Variants in GAS2 observed in about 807,000 individuals in gnomAD.
GAS2 encodes the protein growth arrest specific 2.
In GAS2, 20 loss-of-function variants were observed where a neutral mutation model predicts 37.5. That is an observed-to-expected ratio of 0.53 (90% CI 0.37 to 0.77). The LOEUF (loss-of-function observed/expected upper bound fraction) is 0.77. GAS2 is among the 30% of genes least tolerant of loss of function. The pLI is 0.00. For synonymous variants in GAS2, 144 were observed against 132.2 expected, an observed-to-expected ratio of 1.09 and a Z score of -0.61; for missense variants, 336 against 373.4, an observed-to-expected ratio of 0.90 and a Z score of 0.82.
intron 2 of GAS2, among the ~76,000 whole-genome samples, chr11:22,683,657 A>G (rs543395145): frequency 0.022 from 2,764 of 128,224 alleles, 72 homozygotes; most frequent in African/African-American, 0.064. Flanking sequence ...AAAACTTTAA[A>G]ATAATTTCTT....
intron 5 of GAS2, among the ~76,000 whole-genome samples, chr11:22,742,678 T>C (rs1853152785): frequency 6.6e-6 from 1 of 152,082 alleles, no homozygotes; most frequent in Non-Finnish European, 1.5e-5. Context: ...TAAAGAAAAA[T>C]CTCCAGAGAA....
At position 22,812,741 on chromosome 11, in the gene GAS2, C is replaced by A. The variant is rs1306818250; in HGVS notation, c.*725C>A. ...TGTAATTCATACATGAGCTGACATA[C>A]GTTGATACTTTGACGAGTAAATTGT... On this transcript the variant is annotated 3_prime_UTR_variant, in exon 8 of 8. Coordinates refer to ENST00000454584, the MANE Select transcript of GAS2 (RefSeq NM_001143830.3). 6.6e-6 allele frequency: 1 copy of A among 152,450 alleles called. No homozygotes were observed. The highest frequency in any genetic ancestry group is 2.1e-4 in the South Asian group (1 of 4,822). 9.4% of individuals were successfully genotyped at this position (152,450 alleles called of 1,614,324 possible).
At chr11:22,752,686 A>G (rs187760861) in intron 6 of GAS2, among the ~76,000 whole-genome samples, 263 of 152,008 alleles carry the variant, frequency 1.7e-3, no homozygotes, top group African/African-American at 6.0e-3. Context: ...GAGTAAAAGA[A>G]GGGAAAAAAA....
chr11:22,703,400 A>T (rs969392822), intron 3 of GAS2, among the ~76,000 whole-genome samples: 1 of 152,182 alleles, frequency 6.6e-6, no homozygotes, highest in South Asian at 2.1e-4. Context: ...CTCTCACCCT[A>T]TGGAAAATGG....
intron 7 of GAS2, 43 bp downstream of exon 7, chr11:22,755,996 T>G: frequency 7.2e-7 from 1 of 1,385,596 alleles, no homozygotes; most frequent in Non-Finnish European, 1.0e-6. Flanking sequence ...ATGGGAAGAT[T>G]CAGAATTTGA....
intron 1 of GAS2, among the ~76,000 whole-genome samples, chr11:22,654,587 G>C (rs1848835245): frequency 6.6e-6 from 1 of 151,788 alleles, no homozygotes; most frequent in Non-Finnish European, 1.5e-5. Context: ...AGAGACACAG[G>C]GTCTTGCTAT....
chr11:22,647,389 G>A (rs1390936494), intron 1 of GAS2, among the ~76,000 whole-genome samples: 1 of 152,154 alleles, frequency 6.6e-6, no homozygotes, highest in Non-Finnish European at 1.5e-5. Context: ...ACATACGTGT[G>A]CATGTGTCTT....
At chr11:22,700,425 A>G (rs1235656940) in intron 3 of GAS2, among the ~76,000 whole-genome samples, 2 of 152,124 alleles carry the variant, frequency 1.3e-5, no homozygotes, top group Admixed American at 1.3e-4. Flanking sequence ...ATGAGGAGCA[A>G]ATCTGACTTT....
intron 1 of GAS2, among the ~76,000 whole-genome samples, chr11:22,636,349 A>G (rs1238165042): frequency 6.6e-6 from 1 of 152,078 alleles, no homozygotes; most frequent in Non-Finnish European, 1.5e-5. Flanking sequence ...TTCACAAACA[A>G]CCTACCTCAC....
chr11:22,685,170 G>C (rs2133941250), intron 2 of GAS2, among the ~76,000 whole-genome samples: 1 of 152,204 alleles, frequency 6.6e-6, no homozygotes, highest in East Asian at 1.9e-4. Context: ...TGTAGAGAGA[G>C]AGAGAGAGCG....
At chr11:22,753,638 A>G (rs778561294) in intron 6 of GAS2, among the ~76,000 whole-genome samples, 1 of 152,092 alleles carries the variant, frequency 6.6e-6, no homozygotes, top group Non-Finnish European at 1.5e-5. Context: ...TGATGCTGTC[A>G]GTCTGATTTT....
At chr11:22,694,386 G>A (rs533326915) in intron 3 of GAS2, among the ~76,000 whole-genome samples, 1 of 152,104 alleles carries the variant, frequency 6.6e-6, no homozygotes, top group Admixed American at 6.6e-5. Context: ...ACACTAAAAT[G>A]AGGAAGCTCA....
At chr11:22,718,011 T>TA (rs1363566407) in intron 3 of GAS2, among the ~76,000 whole-genome samples, 21 of 152,078 alleles carry the variant, frequency 1.4e-4, no homozygotes, top group African/African-American at 5.1e-4. Context: ...CACTTTTTTT[T>TA]ACTGCTGGTG....
At chr11:22,674,247 C>A (rs775034942) in intron 1 of GAS2, among the ~76,000 whole-genome samples, 1 of 149,250 alleles carries the variant, frequency 6.7e-6, no homozygotes, top group African/African-American at 2.5e-5. Flanking sequence ...TTTTTGGTTT[C>A]TTTGACTGCA....
At chr11:22,779,055 TTTTC>T in intron 7 of GAS2, among the ~76,000 whole-genome samples, 1 of 151,774 alleles carries the variant, frequency 6.6e-6, no homozygotes, top group African/African-American at 2.4e-5. Context: ...GTTTTTTTTT[TTTTC>T]TCTTCAGTGT....
At chr11:22,697,282 T>C (rs868578688) in intron 3 of GAS2, among the ~76,000 whole-genome samples, 24 of 152,110 alleles carry the variant, frequency 1.6e-4, no homozygotes, top group African/African-American at 5.6e-4. Flanking sequence ...CTGAGGGCTC[T>C]GTTCTGTTCC....
At chr11:22,757,222 C>A (rs114832498) in intron 7 of GAS2, among the ~76,000 whole-genome samples, 1 of 152,006 alleles carries the variant, frequency 6.6e-6, no homozygotes, top group African/African-American at 2.4e-5. Context: ...TGTTTATTTG[C>A]ATCTGTGATT....
At chr11:22,661,877 G>T (rs1565070620), upstream of GAS2, among the ~76,000 whole-genome samples, 1 of 151,990 alleles carries the variant, frequency 6.6e-6, no homozygotes, top group East Asian at 1.9e-4. Context: ...AAAACTGTAG[G>T]TCATAAAACA....
Position 22,787,707 on chromosome 11 carries a change from C to T in GAS2, c.724-24091C>T, listed in dbSNP as rs543382044. Among the ~76,000 whole-genome samples, 11 of 152,282 alleles carry T rather than the reference C, an allele frequency of 7.2e-5. 1 individual carries two copies. In the South Asian group the frequency reaches 1.2e-3, roughly 17 times the overall value. Reference sequence around the variant, plus strand: ...TTCTTTAGTTCTGATAGAATTTAAACAATGCAGCACTGCATTTTTATTCGG... The same window carrying T: ...TTCTTTAGTTCTGATAGAATTTAAATAATGCAGCACTGCATTTTTATTCGG... On this transcript the variant is annotated intron_variant, in intron 7 of 7. Transcript: ENST00000454584.
Sources: gnomAD v4.1 joint callset for allele counts (sites outside exome capture counted in the v4.1 genomes callset) on GRCh38, gnomAD v4.1.1 for gene constraint, MANE v1.5 for transcripts, NCBI Gene and HGNC (gene_info 2026-07-23, HGNC 2026-07-21) for gene names.